The following KHDRBS1 variants were observed in gnomAD, a reference collection of about 807,000 sequenced individuals.
KHDRBS1 encodes KH domain-containing, RNA-binding, signal transduction-associated protein 1.
In KHDRBS1, 7 loss-of-function variants were observed where a neutral mutation model predicts 48.4. That is an observed-to-expected ratio of 0.14 (90% CI 0.08 to 0.27). The LOEUF is 0.27. Among genes scored for constraint, KHDRBS1 ranks in the 10% least tolerant of loss-of-function variants. The probability of loss-of-function intolerance (pLI) is 1.00; values close to 1 mark genes in which losing one functional copy is unlikely to be tolerated. For missense variants in KHDRBS1, 458 were observed against 601.2 expected (o/e 0.76, Z 2.49); for synonymous variants, 241 against 235.8 (o/e 1.02, Z -0.20).
chr1:32,037,953 G>T lies in KHDRBS1; in HGVS notation c.1024G>T (p.Ala342Ser). Residue 342 changes from alanine (A) to serine (S), a missense_variant, in exon 6 of 9, where the codon GCT becomes TCT. Ala to Ser is a moderately conservative substitution (Grantham distance 99). Coordinates refer to ENST00000327300, the MANE Select transcript of KHDRBS1 (RefSeq NM_006559.3). ...GCCACCCCCACCTACTGTGAGGGGT[G>T]CTCCAGCACCAAGAGCACGGACAGC... ...GVPPPPTVRG[A>S]PAPRARTAGI... 6.2e-7 allele frequency: 1 copy of T among 1,614,248 alleles called. No homozygotes were observed. Among genetic ancestry groups the T allele is most frequent in the Non-Finnish European group, 8.5e-7 (1 of 1,180,048 alleles).
At chr1:32,027,328 T>C (rs1638995095) in intron 1 of KHDRBS1, among the ~76,000 whole-genome samples, 1 of 152,208 alleles carries the variant, frequency 6.6e-6, no homozygotes, top group Non-Finnish European at 1.5e-5. Flanking sequence ...AACTAAGTTT[T>C]CCAGTCTGAG....
At chr1:32,019,131 A>G (rs1262523304) in intron 1 of KHDRBS1, among the ~76,000 whole-genome samples, 2 of 152,090 alleles carry the variant, frequency 1.3e-5, no homozygotes, top group Non-Finnish European at 2.9e-5. Flanking sequence ...AACCAGCAAC[A>G]CCTTTTCTAG....
chr1:32,015,188 G>T (rs901445783), intron 1 of KHDRBS1, among the ~76,000 whole-genome samples: 2 of 152,058 alleles, frequency 1.3e-5, no homozygotes, highest in Non-Finnish European at 2.9e-5. Flanking sequence ...TTTTGTTGCT[G>T]TTTTTTACAT....
chr1:32,056,919 G>T (rs1219903509), intron 10 of KHDRBS1, among the ~76,000 whole-genome samples: 1 of 152,142 alleles, frequency 6.6e-6, no homozygotes, highest in African/African-American at 2.4e-5. Flanking sequence ...GGAGCTTATA[G>T]TCTATTTGTG....
intron 1 of KHDRBS1, among the ~76,000 whole-genome samples, chr1:32,015,608 C>G (rs994231631): frequency 6.6e-6 from 1 of 152,094 alleles, no homozygotes; most frequent in African/African-American, 2.4e-5. Flanking sequence ...TTTCAGTCTC[C>G]CCTCACTGCT....
At position 32,039,581 on chromosome 1, in the gene KHDRBS1, T is replaced by C; in HGVS notation, c.1234+8T>C. 1 of 1,406,542 alleles carries C rather than the reference T, an allele frequency of 7.1e-7. No homozygotes were observed. Among genetic ancestry groups the C allele is most frequent in the Non-Finnish European group, 1.0e-6 (1 of 990,598 alleles). 87.1% of individuals were successfully genotyped at this position (1,406,542 alleles called of 1,614,324 possible). ...ATTCTTATGAAGCTTATGGTATGTCTTTATCTCTGTGGTGGGGCAGAATGT... is the reference window on the plus strand; with the variant it reads ...ATTCTTATGAAGCTTATGGTATGTCCTTATCTCTGTGGTGGGGCAGAATGT... On this transcript the variant is annotated splice_region_variant and intron_variant, in intron 8 of 8. Coordinates refer to ENST00000327300, the MANE Select transcript of KHDRBS1 (RefSeq NM_006559.3).
At chr1:32,028,806 A>AT (rs200155249) in intron 1 of KHDRBS1, among the ~76,000 whole-genome samples, 3,069 of 135,530 alleles carry the variant, frequency 0.023, 65 homozygotes, top group African/African-American at 0.062. Context: ...CACCTGGCCT[A>AT]TTTTTTTTTT....
At chr1:32,050,554 C>T (rs1569822732) in intron 10 of KHDRBS1, among the ~76,000 whole-genome samples, 1 of 152,000 alleles carries the variant, frequency 6.6e-6, no homozygotes, top group African/African-American at 2.4e-5. Context: ...ACTCTGTCCC[C>T]CAGGCTGGAG....
At chr1:32,016,029 T>C (rs1249049640) in intron 1 of KHDRBS1, among the ~76,000 whole-genome samples, 1 of 151,772 alleles carries the variant, frequency 6.6e-6, no homozygotes, top group Non-Finnish European at 1.5e-5. Flanking sequence ...AAATACAAAA[T>C]TAGCTTCGCG....
chr1:32,016,136 C>G (rs539542352), intron 1 of KHDRBS1, among the ~76,000 whole-genome samples: 122 of 150,594 alleles, frequency 8.1e-4, no homozygotes, highest in African/African-American at 2.9e-3. Flanking sequence ...CCAGATTGCG[C>G]CATTACACTC....
intron 10 of KHDRBS1, among the ~76,000 whole-genome samples, chr1:32,048,996 A>G (rs1031522663): frequency 7.9e-5 from 12 of 151,900 alleles, no homozygotes; most frequent in African/African-American, 2.9e-4. Flanking sequence ...GATTTCATAC[A>G]AATGAAATTA....
chr1:32,037,808 C>CA, intron 5 of KHDRBS1, 27 bp from the exon 6 acceptor site: 1 of 1,604,348 alleles, frequency 6.2e-7, no homozygotes, highest in South Asian at 1.1e-5. Flanking sequence ...TAAAAAGCTC[C>CA]ATTTAAGATA....
At chr1:32,017,223 A>G (rs1638759982) in intron 1 of KHDRBS1, among the ~76,000 whole-genome samples, 1 of 151,368 alleles carries the variant, frequency 6.6e-6, no homozygotes, top group Non-Finnish European at 1.5e-5. Flanking sequence ...GCACCATTGC[A>G]CTCCAGCCTG....
In KHDRBS1 at chr1:32,042,968, A is replaced by C. The variant is rs1639309622; in HGVS notation, c.*344A>C. ...AAAAACACACAAACCTGTTAGTTTC[A>C]AAAATGACATTGCTTGCTTAAAGGT... On this transcript the variant is annotated 3_prime_UTR_variant, in exon 9 of 9. Coordinates refer to ENST00000327300, the MANE Select transcript of KHDRBS1 (RefSeq NM_006559.3). 6.2e-6 allele frequency: 1 copy of C among 160,480 alleles called. No homozygotes were observed. The highest frequency in any genetic ancestry group is 1.4e-5 in the Non-Finnish European group (1 of 73,380). The allele number at this position is 160,480 out of a possible 1,614,324, so 9.9% of individuals were successfully genotyped here.
chr1:32,026,981 G>A (rs1174942968), intron 1 of KHDRBS1, among the ~76,000 whole-genome samples: 1 of 152,204 alleles, frequency 6.6e-6, no homozygotes, highest in Non-Finnish European at 1.5e-5. Flanking sequence ...TTTTAGTAGA[G>A]ACGGGGTTTC....
At chr1:32,014,845 G>A (rs1044161036) in intron 1 of KHDRBS1, among the ~76,000 whole-genome samples, 2 of 152,236 alleles carry the variant, frequency 1.3e-5, no homozygotes, top group Non-Finnish European at 2.9e-5. Flanking sequence ...GTGAGGTGGG[G>A]TGAGGCTGGA....
chr1:32,014,920 G>A (rs900365208), intron 1 of KHDRBS1, among the ~76,000 whole-genome samples: 3 of 152,242 alleles, frequency 2.0e-5, no homozygotes, highest in African/African-American at 7.2e-5. Context: ...CGCAGCTTAA[G>A]TTGCTGGGAG....
chr1:32,036,323 C>T (rs759592169), intron 4 of KHDRBS1, among the ~76,000 whole-genome samples: 3 of 151,860 alleles, frequency 2.0e-5, no homozygotes, highest in East Asian at 1.9e-4. Flanking sequence ...AGGTGCCTGC[C>T]GCGCCCGGCT....
Position 32,014,131 on chromosome 1 carries a change from G to A in KHDRBS1, c.136G>A (p.Gly46Arg). Residue 46 changes from glycine (G) to arginine (R), a missense_variant, in exon 1 of 9, where the codon GGA becomes AGA. By Grantham distance (125) the Gly-to-Arg change is moderately radical. Around this residue, in one of 3 missense-constraint regions of KHDRBS1, gnomAD observed 213 missense variants for 215.6 expected, o/e 0.99. Transcript: ENST00000327300. Reference sequence around the variant, plus strand: ...GCCGCCGCTGCCTCACCGGTCCCGGGGAGGCGGAGGGGGATCCCGCGGGGG... The same window carrying A: ...GCCGCCGCTGCCTCACCGGTCCCGGAGAGGCGGAGGGGGATCCCGCGGGGG... ...RQPPLPHRSR[G>R]GGGGSRGGAR... The A allele has an allele frequency of 1.5e-6, 2 of 1,337,204 alleles. No homozygotes were observed. The highest frequency in any genetic ancestry group is 9.6e-7 in the Non-Finnish European group (1 of 1,046,016). 82.8% of individuals were successfully genotyped at this position (1,337,204 alleles called of 1,614,324 possible).
Sources: allele counts gnomAD v4.1 joint callset (sites outside exome capture counted in the v4.1 genomes callset), GRCh38; gene constraint gnomAD v4.1.1; regional missense constraint gnomAD v4.1.1; transcripts MANE v1.5; gene names NCBI Gene and HGNC (gene_info 2026-07-23, HGNC 2026-07-21).